Variants in CDH18 observed in about 807,000 individuals in gnomAD.
The protein encoded by CDH18 is cadherin 18, also known as cadherin-18.
In CDH18, 31 loss-of-function variants were observed where a neutral mutation model predicts 67.9. The observed-to-expected ratio is 0.46, with a 90% CI of 0.34 to 0.62. The LOEUF is 0.62. Ranked by LOEUF, CDH18 falls within the 20% of genes least tolerant of loss-of-function variation. The probability of loss-of-function intolerance (pLI) is 0.01; values close to 1 mark genes in which losing one functional copy is unlikely to be tolerated. For synonymous variants in CDH18, 362 were observed against 347.2 expected, an observed-to-expected ratio of 1.04 and a Z score of -0.48; for missense variants, 890 against 975.5, an observed-to-expected ratio of 0.91 and a Z score of 1.17.
At chr5:20,079,467 T>C (rs890688559) in intron 2 of CDH18, among the ~76,000 whole-genome samples, 6 of 152,162 alleles carry the variant, frequency 3.9e-5, no homozygotes, top group African/African-American at 1.4e-4. Flanking sequence ...TATTGATGGA[T>C]ACTTGGGTTG....
At chr5:20,055,863 C>T (rs1317878889) in intron 2 of CDH18, among the ~76,000 whole-genome samples, 2 of 152,018 alleles carry the variant, frequency 1.3e-5, no homozygotes, top group Admixed American at 1.3e-4. Context: ...CATGTATAAG[C>T]ATCTGGTTCT....
chr5:20,038,459 A>G (rs975137982), intron 2 of CDH18, among the ~76,000 whole-genome samples: 1 of 152,202 alleles, frequency 6.6e-6, no homozygotes. Flanking sequence ...AAATACTGAC[A>G]ACCCAAATCC....
intron 2 of CDH18, among the ~76,000 whole-genome samples, chr5:20,075,004 G>A (rs1743800953): frequency 6.6e-6 from 1 of 152,160 alleles, no homozygotes; most frequent in Non-Finnish European, 1.5e-5. Flanking sequence ...TCTCTGTGAT[G>A]AGAAATTAGA....
chr5:19,989,212 C>T (rs1012555127), upstream of CDH18, among the ~76,000 whole-genome samples: 6 of 152,282 alleles, frequency 3.9e-5, no homozygotes, highest in South Asian at 1.2e-3. Context: ...AATTGAATGA[C>T]TAGTCTAAGG....
At chr5:19,898,903 A>G (rs960276955) in intron 2 of CDH18, among the ~76,000 whole-genome samples, 18 of 152,308 alleles carry the variant, frequency 1.2e-4, no homozygotes, top group Non-Finnish European at 1.6e-4. Flanking sequence ...TGAAAATCAT[A>G]TATCTGTTAA....
Position 20,433,314 on chromosome 5 carries a change from A to G in CDH18, c.-580+142148T>C, listed in dbSNP as rs1372197622. Among the ~76,000 whole-genome samples the G allele has an allele frequency of 2.0e-5, 3 of 152,012 alleles. No homozygotes were observed. In the East Asian group the frequency reaches 5.8e-4, roughly 29 times the overall value. On this transcript the variant is annotated intron_variant, in intron 1 of 14. Transcript: ENST00000507958. The stretch of plus-strand genomic sequence containing the variant: ...ATATGTTTAATTGTTAGTTGATTCT[A>G]GCCTACCCAAGCAATATATCCAACT...
At chr5:20,406,995 G>T (rs1746327763) in intron 1 of CDH18, among the ~76,000 whole-genome samples, 1 of 152,162 alleles carries the variant, frequency 6.6e-6, no homozygotes, top group Admixed American at 6.5e-5. Flanking sequence ...AAAAGAGCTA[G>T]ACCATGGGTC....
chr5:19,670,159 A>G (rs2150346920), intron 5 of CDH18, among the ~76,000 whole-genome samples: 1 of 152,276 alleles, frequency 6.6e-6, no homozygotes, highest in East Asian at 1.9e-4. Context: ...CTAGCAGGAA[A>G]GGAAAAAATA....
At chr5:20,359,254 A>G (rs1741894679) in intron 1 of CDH18, among the ~76,000 whole-genome samples, 1 of 152,012 alleles carries the variant, frequency 6.6e-6, no homozygotes, top group Admixed American at 6.6e-5. Context: ...CTGTATGTAC[A>G]TTTACAATGT....
chr5:19,907,359 T>C (rs750554457), intron 2 of CDH18, among the ~76,000 whole-genome samples: 17 of 152,006 alleles, frequency 1.1e-4, no homozygotes, highest in Non-Finnish European at 2.4e-4. Context: ...TGCAAATGCA[T>C]AATGAGATAT....
intron 1 of CDH18, among the ~76,000 whole-genome samples, chr5:20,320,806 A>T (rs1319675919): frequency 6.6e-6 from 1 of 152,076 alleles, no homozygotes; most frequent in African/African-American, 2.4e-5. Flanking sequence ...GTGGCCCATG[A>T]GGGGACTGAT....
intron 5 of CDH18, among the ~76,000 whole-genome samples, chr5:19,644,745 G>C (rs1561531795): frequency 6.6e-6 from 1 of 152,108 alleles, no homozygotes; most frequent in East Asian, 1.9e-4. Flanking sequence ...ACCTCTCTCA[G>C]GCTGCTGAAC....
intron 1 of CDH18, among the ~76,000 whole-genome samples, chr5:20,538,900 TTTTTTTTTG>T (rs1271508322): frequency 1.2e-4 from 15 of 129,010 alleles, no homozygotes; most frequent in African/African-American, 3.0e-4. Flanking sequence ...AGCCAACTGT[TTTTTTTTTG>T]TTTTTTTTTT....
At chr5:20,351,195 T>TGTGTGTGC (rs1554121956) in intron 1 of CDH18, among the ~76,000 whole-genome samples, 5 of 147,330 alleles carry the variant, frequency 3.4e-5, no homozygotes, top group African/African-American at 1.3e-4. Context: ...TGTGTGTGCG[T>TGTGTGTGC]GTGTGTTATT....
intron 2 of CDH18, among the ~76,000 whole-genome samples, chr5:20,198,347 C>G (rs1739156612): frequency 6.6e-6 from 1 of 152,096 alleles, no homozygotes. Flanking sequence ...CAGTGAAGTC[C>G]AGGCTGAAGT....
intron 2 of CDH18, among the ~76,000 whole-genome samples, chr5:20,198,331 T>TA (rs1448235617): frequency 6.6e-6 from 1 of 152,180 alleles, no homozygotes; most frequent in East Asian, 1.9e-4. Context: ...CTGATAGTGA[T>TA]ATGGACAGTG....
chr5:19,704,528 C>T (rs1484012601), intron 5 of CDH18, among the ~76,000 whole-genome samples: 1 of 151,816 alleles, frequency 6.6e-6, no homozygotes, highest in East Asian at 1.9e-4. Context: ...TGGTATGGGA[C>T]GAGGAAAAAA....
intron 2 of CDH18, among the ~76,000 whole-genome samples, chr5:20,118,115 A>T (rs1748070406): frequency 6.6e-6 from 1 of 152,200 alleles, no homozygotes; most frequent in Admixed American, 6.5e-5. Flanking sequence ...GTCATTAGCA[A>T]AAGGTGGTAT....
intron 1 of CDH18, among the ~76,000 whole-genome samples, chr5:20,340,244 G>A (rs1740144502): frequency 6.6e-6 from 1 of 152,180 alleles, no homozygotes; most frequent in African/African-American, 2.4e-5. Flanking sequence ...TTATTACCCA[G>A]TTAGACAAGT....
Sources: gnomAD v4.1 joint callset for allele counts (sites outside exome capture counted in the v4.1 genomes callset) on GRCh38, gnomAD v4.1.1 for gene constraint, MANE v1.5 for transcripts, NCBI Gene and HGNC (gene_info 2026-07-23, HGNC 2026-07-21) for gene names.